Variants in CNTNAP5 observed in about 807,000 individuals in gnomAD.
The protein encoded by CNTNAP5 is contactin associated protein family member 5, also known as contactin-associated protein-like 5.
CNTNAP5 carries 72 observed loss-of-function variants against 150.2 expected under a neutral mutation model. The ratio of observed to expected loss-of-function variants is 0.48; its 90% confidence interval spans 0.40 to 0.58. The LOEUF is 0.58. Ranked by LOEUF, CNTNAP5 falls within the 20% of genes least tolerant of loss-of-function variation. CNTNAP5 has a pLI of 0.00. For missense variants in CNTNAP5, 1,636 were observed against 1,626.2 expected (o/e 1.01, Z -0.10); for synonymous variants, 672 against 619.8 (o/e 1.08, Z -1.25).
chr2:124,283,957 C>A (rs1241415744), intron 3 of CNTNAP5, among the ~76,000 whole-genome samples: 1 of 152,182 alleles, frequency 6.6e-6, no homozygotes, highest in Non-Finnish European at 1.5e-5. Flanking sequence ...CATGTCAGTA[C>A]TGGGGTAGGG....
chr2:124,578,902 AT>A lies in CNTNAP5; in HGVS notation c.1756+15588del, dbSNP rs1013074400. On this transcript the variant is annotated intron_variant, in intron 11 of 23. Transcript: ENST00000682447. ...TTATCATGACACTCTTTGTTTTTCA[AT>A]TTTTTTTTCTTTGCTTATGCCTCTA... Among the ~76,000 whole-genome samples, 112 of 151,810 alleles carry A rather than the reference AT, an allele frequency of 7.4e-4. 1 individual carries two copies. Among genetic ancestry groups the A allele is most frequent in the African/African-American group, 2.5e-3 (102 of 41,402 alleles).
intron 10 of CNTNAP5, among the ~76,000 whole-genome samples, chr2:124,543,332 C>G (rs1273021972): frequency 2.6e-5 from 4 of 152,030 alleles, no homozygotes; most frequent in Non-Finnish European, 5.9e-5. Context: ...TAGGTTAGCT[C>G]TGTAATAGAA....
At chr2:124,626,368 A>G (rs1677722970) in intron 12 of CNTNAP5, among the ~76,000 whole-genome samples, 1 of 152,118 alleles carries the variant, frequency 6.6e-6, no homozygotes, top group East Asian at 1.9e-4. Flanking sequence ...TTTCCAACTG[A>G]GGTACCCAGT....
chr2:124,295,354 A>G (rs1688397428), intron 3 of CNTNAP5, among the ~76,000 whole-genome samples: 1 of 152,242 alleles, frequency 6.6e-6, no homozygotes, highest in African/African-American at 2.4e-5. Flanking sequence ...CCTACCAGGT[A>G]GATACCTCAG....
At chr2:124,063,524 A>G (rs931159410) in intron 1 of CNTNAP5, among the ~76,000 whole-genome samples, 1 of 152,152 alleles carries the variant, frequency 6.6e-6, no homozygotes, top group African/African-American at 2.4e-5. Flanking sequence ...ATTTAGAAGG[A>G]GAAGTTTAAG....
intron 4 of CNTNAP5, among the ~76,000 whole-genome samples, chr2:124,425,873 A>G (rs17011501): frequency 0.27 from 40,402 of 152,022 alleles, 5,798 homozygotes; most frequent in East Asian, 0.5. Context: ...GAATATGCTT[A>G]ATACCTGCCA....
At chr2:124,609,344 C>T (rs1677325221) in intron 11 of CNTNAP5, among the ~76,000 whole-genome samples, 1 of 152,152 alleles carries the variant, frequency 6.6e-6, no homozygotes, top group African/African-American at 2.4e-5. Context: ...ATCCCAGCAG[C>T]TTGAGAGACT....
intron 1 of CNTNAP5, among the ~76,000 whole-genome samples, chr2:124,138,131 G>A (rs753285030): frequency 7.2e-5 from 11 of 152,226 alleles, no homozygotes; most frequent in Non-Finnish European, 1.3e-4. Context: ...AGTTGAGGCC[G>A]ACCTCCTCTC....
chr2:124,850,776 A>G (rs1032165466), intron 19 of CNTNAP5, among the ~76,000 whole-genome samples: 11 of 152,314 alleles, frequency 7.2e-5, no homozygotes, highest in South Asian at 6.2e-4. Flanking sequence ...GAAGGAAACT[A>G]GGAGAGAAAA....
intron 19 of CNTNAP5, among the ~76,000 whole-genome samples, chr2:124,828,735 C>CAAAAAAAAAAAAAA (rs60339676): frequency 8.7e-5 from 2 of 23,110 alleles, no homozygotes; most frequent in Non-Finnish European, 1.7e-4. Flanking sequence ...CAAGTGTTGG[C>CAAAAAAAAAAAAAA]AAAAAAAAAA....
chr2:124,156,382 G>C (rs144619286), intron 1 of CNTNAP5, among the ~76,000 whole-genome samples: 53 of 152,312 alleles, frequency 3.5e-4, no homozygotes, highest in African/African-American at 1.3e-3. Context: ...AAATGAAGAT[G>C]AATGATCATC....
At chr2:124,349,236 T>A (rs1689812705) in intron 3 of CNTNAP5, among the ~76,000 whole-genome samples, 1 of 152,220 alleles carries the variant, frequency 6.6e-6, no homozygotes, top group African/African-American at 2.4e-5. Context: ...CGATGTAGCC[T>A]GTTGTTCCTA....
intron 11 of CNTNAP5, among the ~76,000 whole-genome samples, chr2:124,565,268 G>A (rs1482900676): frequency 6.6e-6 from 1 of 152,046 alleles, no homozygotes; most frequent in African/African-American, 2.4e-5. Context: ...ATATTGTTTG[G>A]CTTTATAAAA....
intron 16 of CNTNAP5, among the ~76,000 whole-genome samples, chr2:124,766,596 G>C (rs773638421): frequency 5.3e-5 from 8 of 152,106 alleles, no homozygotes; most frequent in Non-Finnish European, 1.0e-4. Flanking sequence ...TGTGGCTTTG[G>C]TGTGAAACAA....
chr2:124,869,546 T>C, intron 20 of CNTNAP5, 129 bp from the exon 21 acceptor site: 11 of 627,990 alleles, frequency 1.8e-5, no homozygotes, highest in Middle Eastern at 3.0e-4. Flanking sequence ...TAATCTCTCC[T>C]GAGAGAAAAT....
intron 1 of CNTNAP5, among the ~76,000 whole-genome samples, chr2:124,061,992 G>A (rs895317093): frequency 6.6e-6 from 1 of 152,132 alleles, no homozygotes; most frequent in Non-Finnish European, 1.5e-5. Flanking sequence ...TCTACACGCT[G>A]CTGGATATTC....
chr2:124,303,101 A>G (rs1482886214), intron 3 of CNTNAP5, among the ~76,000 whole-genome samples: 2 of 152,018 alleles, frequency 1.3e-5, no homozygotes, highest in Non-Finnish European at 2.9e-5. Flanking sequence ...TGTGTTTTCC[A>G]CCAGCTTCCA....
chr2:124,146,701 G>T (rs555265914), intron 1 of CNTNAP5, among the ~76,000 whole-genome samples: 1 of 152,216 alleles, frequency 6.6e-6, no homozygotes, highest in East Asian at 1.9e-4. Flanking sequence ...TTAAAGTTAT[G>T]TCAAATTATT....
In CNTNAP5 at chr2:124,773,602, G is replaced by A. The variant is rs151044357; in HGVS notation, c.2752+585G>A. ...TGAACTGGCAACTGCTGCTGGTGGG[G>A]GCCTGGAAAGATCCAGGCATCCTTC... On this transcript the variant is annotated intron_variant, in intron 17 of 23. Coordinates refer to ENST00000682447, the MANE Select transcript of CNTNAP5 (RefSeq NM_001367498.1). 2.5e-3 allele frequency among the ~76,000 whole-genome samples: 382 copies of A among 152,170 alleles called. 2 individuals carry two copies. The highest frequency in any genetic ancestry group is 8.9e-3 in the African/African-American group (369 of 41,508).
Sources: allele counts gnomAD v4.1 joint callset (sites outside exome capture counted in the v4.1 genomes callset), GRCh38; gene constraint gnomAD v4.1.1; transcripts MANE v1.5; gene names NCBI Gene and HGNC (gene_info 2026-07-23, HGNC 2026-07-21).